HSPA13: variants seen among roughly 807,000 people sequenced by gnomAD.
HSPA13 encodes heat shock 70 kDa protein 13.
In HSPA13, 29 loss-of-function variants were observed where a neutral mutation model predicts 38.8. That is an observed-to-expected ratio of 0.75 (90% CI 0.56 to 1.02). HSPA13 has a LOEUF of 1.02. Ranked by LOEUF, HSPA13 falls within the 50% of genes least tolerant of loss-of-function variation. The pLI is 0.00. For missense variants in HSPA13, 451 were observed against 560.9 expected (o/e 0.80, Z 1.98); for synonymous variants, 192 against 205.3 (o/e 0.94, Z 0.56).
chr21:14,382,956 C>G, intron 1 of HSPA13, 139 bp downstream of exon 1: 1 of 1,063,696 alleles, frequency 9.4e-7, no homozygotes, highest in Non-Finnish European at 1.4e-6. Context: ...CAGCCGAAAA[C>G]CGTCTCTAAG....
Position 14,373,842 on chromosome 21 carries a change from A to C in HSPA13, c.1191T>G (p.Thr397=). 6 of 1,613,610 alleles carry C rather than the reference A, an allele frequency of 3.7e-6. No homozygotes were observed. Among genetic ancestry groups the C allele is most frequent in the African/African-American group, 1.3e-5 (1 of 75,016 alleles). Residue 397 remains threonine (T), a synonymous_variant, in exon 5 of 5, where the codon ACT becomes ACG. Transcript: ENST00000285667. ...CAACTAAAACCACCTCATCAATCTC[A>C]GTCTTTTCCAGGTGGCCTTCTTTCA... ...QVLKEGHLEK[T]EIDEVVLVGG... is the part of the protein sequence containing the mutation.
intron 4 of HSPA13, 115 bp from the exon 5 acceptor site, chr21:14,374,399 G>C: frequency 1.3e-6 from 1 of 751,890 alleles, no homozygotes; most frequent in Middle Eastern, 3.6e-4. Flanking sequence ...CCTGTTTCAT[G>C]TATCATTACA....
At position 14,381,568 on chromosome 21, in the gene HSPA13, T is replaced by C. The variant is rs776257912; in HGVS notation, c.26-25A>G. ...CCTGAAATAAAGGAAAATTAAAAGA[T>C]GTATTTTATCAAACTAGTACAATGT... On this transcript the variant is annotated intron_variant, in intron 1 of 4. Transcript: ENST00000285667. 1.7e-5 allele frequency: 26 copies of C among 1,552,354 alleles called. No homozygotes were observed. In the African/African-American group the frequency reaches 3.4e-4, roughly 20 times the overall value.
In HSPA13 at chr21:14,373,913, TAAGGGTATCAAA is replaced by T. The variant is rs1982888310; in HGVS notation, c.1108_1119del (p.Phe370_Leu373del). On this transcript the variant is annotated inframe_deletion, in exon 5 of 5. Coordinates refer to ENST00000285667, the MANE Select transcript of HSPA13 (RefSeq NM_006948.5). ...AGTATTTTCTGAAAGAGGTCTTCAT[TAAGGGTATCAAA>T]GAGTTTCCGTGATATTTCTGTTTCA... The T allele has an allele frequency of 1.9e-6, 3 of 1,614,078 alleles. No individual in the cohort carries two copies. Among genetic ancestry groups the T allele is most frequent in the Non-Finnish European group, 2.5e-6 (3 of 1,180,028 alleles).
chr21:14,374,431 G>T, intron 4 of HSPA13, 147 bp from the exon 5 acceptor site: 2 of 667,004 alleles, frequency 3.0e-6, no homozygotes, highest in Admixed American at 5.9e-5. Flanking sequence ...ACAGAGACTG[G>T]TTAAAAATAA....
intron 1 of HSPA13, 74 bp downstream of exon 1, chr21:14,383,021 C>T: frequency 3.9e-6 from 6 of 1,548,752 alleles, no homozygotes; most frequent in African/African-American, 1.4e-5. Context: ...GGTGAGTCAA[C>T]CACCCCTGCC....
At chr21:14,381,853 C>T (rs541153410) in intron 1 of HSPA13, among the ~76,000 whole-genome samples, 1 of 152,198 alleles carries the variant, frequency 6.6e-6, no homozygotes, top group South Asian at 2.1e-4. Flanking sequence ...CAGATGCTGA[C>T]AAGAAACAAC....
intron 2 of HSPA13, among the ~76,000 whole-genome samples, chr21:14,380,140 CAA>C (rs1302584239): frequency 6.7e-6 from 1 of 149,006 alleles, no homozygotes; most frequent in Non-Finnish European, 1.5e-5. Flanking sequence ...CAGCGAAATC[CAA>C]ACCAACAAAT....
rs1982862053 is a variant in HSPA13 at position 14,373,009 on chromosome 21, A to G, written c.*608T>C. On this transcript the variant is annotated 3_prime_UTR_variant, in exon 5 of 5. Transcript: ENST00000285667. ...TAAAATAAATTCATCTATTAAACAC[A>G]TAAAACTCCTGGAGAATGCAGATTA... The G allele has an allele frequency of 2.0e-5, 3 of 152,266 alleles. No homozygotes were observed. In the South Asian group the frequency reaches 6.2e-4, roughly 31 times the overall value. 9.4% of individuals were successfully genotyped at this position (152,266 alleles called of 1,614,324 possible).
chr21:14,381,356 C>A lies in HSPA13; in HGVS notation c.213G>T (p.Val71=). Residue 71 remains valine (V), a synonymous_variant, in exon 2 of 5, where the codon GTG becomes GTT. Coordinates refer to ENST00000285667, the MANE Select transcript of HSPA13 (RefSeq NM_006948.5). The part of the protein sequence containing the change: ...ENGHISIPSM[V]SFTDNDVYVG... The stretch of plus-strand genomic sequence containing the variant: ...CATATACATCATTGTCAGTAAAAGA[C>A]ACCATGCTGGGTATGCTGATATGCC... 1.2e-6 allele frequency: 2 copies of A among 1,614,136 alleles called. No homozygotes were observed. The highest frequency in any genetic ancestry group is 1.7e-6 in the Non-Finnish European group (2 of 1,180,022).
Position 14,383,102 on chromosome 21 carries a change from C to T in HSPA13, c.18G>A (p.Thr6=), listed in dbSNP as rs764535184. Reference sequence around the variant, plus strand: ...GGACCCCCGGGAACCCACCTAAGATCGTCATCTCTCTGGCCATCACAGTCC... The same window carrying T: ...GGACCCCCGGGAACCCACCTAAGATTGTCATCTCTCTGGCCATCACAGTCC... The part of the protein sequence containing the change: MAREM[T]ILGSAVLTLL... The change falls in exon 1 of 5, where the codon ACG becomes ACA. Residue 6 remains threonine, a synonymous_variant. Coordinates refer to ENST00000285667, the MANE Select transcript of HSPA13 (RefSeq NM_006948.5). 2 of 1,614,116 alleles carry T rather than the reference C, an allele frequency of 1.2e-6. No individual in the cohort carries two copies. The highest frequency in any genetic ancestry group is 2.2e-5 in the East Asian group (1 of 44,876).
At position 14,375,655 on chromosome 21, in the gene HSPA13, A is replaced by C; in HGVS notation, c.745T>G (p.Ser249Ala). 1 of 1,613,090 alleles carries C rather than the reference A, an allele frequency of 6.2e-7. No individual in the cohort carries two copies. Among genetic ancestry groups the C allele is most frequent in the Non-Finnish European group, 8.5e-7 (1 of 1,179,328 alleles). The change falls in exon 4 of 5, where the codon TCT becomes GCT. Residue 249 changes from serine to alanine, a missense_variant. Physicochemically the swap from Ser to Ala is moderately conservative, Grantham distance 99. Coordinates refer to ENST00000285667, the MANE Select transcript of HSPA13 (RefSeq NM_006948.5). Reference protein sequence around the residue: ...QGGMFLTRAMSGNNKLGGQDF... With the variant: ...QGGMFLTRAMAGNNKLGGQDF... ...CCTCTCCCTGCATTTTTCTTACCAG[A>C]CATTGCTCGGGTTAGAAACATCCCT...
chr21:14,376,156 A>G (rs1250044146), intron 3 of HSPA13, among the ~76,000 whole-genome samples: 1 of 152,244 alleles, frequency 6.6e-6, no homozygotes, highest in Non-Finnish European at 1.5e-5. Flanking sequence ...TATATGAGCG[A>G]TAAAAATTTA....
rs531780905 is a variant in HSPA13 at position 14,371,385 on chromosome 21, T to C, written c.*2232A>G. 4 of 152,622 alleles carry C rather than the reference T, an allele frequency of 2.6e-5. No homozygotes were observed. The highest frequency in any genetic ancestry group is 9.6e-5 in the African/African-American group (4 of 41,602). 9.5% of individuals were successfully genotyped at this position (152,622 alleles called of 1,614,324 possible). On this transcript the variant is annotated 3_prime_UTR_variant, in exon 5 of 5. Transcript: ENST00000285667. ...CATACTTCAAATAACACTGGCTAAA[T>C]GTACAACTAAAGTTTATTAATTTTT...
chr21:14,375,021 C>T (rs1040086241), intron 4 of HSPA13, among the ~76,000 whole-genome samples: 4 of 152,140 alleles, frequency 2.6e-5, no homozygotes, highest in East Asian at 3.9e-4. Context: ...TACAACTCAA[C>T]GTGTCAAACA....
At chr21:14,379,473 T>C (rs1357112295) in intron 2 of HSPA13, among the ~76,000 whole-genome samples, 1 of 152,080 alleles carries the variant, frequency 6.6e-6, no homozygotes, top group Non-Finnish European at 1.5e-5. Flanking sequence ...ACATGGACAA[T>C]ATTAAACTAA....
rs543811528 is a variant in HSPA13, at chr21:14,379,988, G to A, written c.366+1215C>T. ...AGATCATGCCATTGCATTCCAGCCT[G>A]AGAGACAGAATGAGACTGTCTCAAA... On this transcript the variant is annotated intron_variant, in intron 2 of 4. Coordinates refer to ENST00000285667, the MANE Select transcript of HSPA13 (RefSeq NM_006948.5). 2.0e-5 allele frequency among the ~76,000 whole-genome samples: 3 copies of A among 151,534 alleles called. 1 individual carries two copies. The highest frequency in any genetic ancestry group is 7.3e-5 in the African/African-American group (3 of 41,300).
At position 14,375,750 on chromosome 21, in the gene HSPA13, T is replaced by G. The variant is rs747588691; in HGVS notation, c.650A>C (p.Asp217Ala). ...AAMAYGLHKA[D>A]VFHVLVIDLG... Reference sequence around the variant, plus strand: ...GTCTATCACCAAGACGTGGAAGACGTCAGCCTTGTGGAGACCATAGGCCAT... The same window carrying G: ...GTCTATCACCAAGACGTGGAAGACGGCAGCCTTGTGGAGACCATAGGCCAT... The change falls in exon 4 of 5, where the codon GAC becomes GCC. Residue 217 changes from aspartate (D) to alanine (A), a missense_variant. Asp to Ala is a moderately radical substitution (Grantham distance 126). Coordinates refer to ENST00000285667, the MANE Select transcript of HSPA13 (RefSeq NM_006948.5). 2 of 1,613,994 alleles carry G rather than the reference T, an allele frequency of 1.2e-6. No individual in the cohort carries two copies. Among genetic ancestry groups the G allele is most frequent in the Admixed American group, 3.3e-5 (2 of 60,016 alleles).
At position 14,373,380 on chromosome 21, in the gene HSPA13, C is replaced by A; in HGVS notation, c.*237G>T. 1 of 463,166 alleles carries A rather than the reference C, an allele frequency of 2.2e-6. No homozygotes were observed. 28.7% of individuals were successfully genotyped at this position (463,166 alleles called of 1,614,324 possible). On this transcript the variant is annotated 3_prime_UTR_variant, in exon 5 of 5. Transcript: ENST00000285667. ...CCATACTCTTTTAAGAGAGTTGTACCTCAATTTTATCATTTTAGAGTATTT... is the reference window on the plus strand; with the variant it reads ...CCATACTCTTTTAAGAGAGTTGTACATCAATTTTATCATTTTAGAGTATTT...
Sources: allele counts gnomAD v4.1 joint callset (sites outside exome capture counted in the v4.1 genomes callset), GRCh38; gene constraint gnomAD v4.1.1; transcripts MANE v1.5; gene names NCBI Gene and HGNC (gene_info 2026-07-23, HGNC 2026-07-21).